DPP10: variants seen among roughly 807,000 people sequenced by gnomAD.
DPP10 encodes dipeptidyl peptidase like 10.
DPP10 carries 33 observed loss-of-function variants against 120.9 expected under a neutral mutation model. The observed-to-expected ratio is 0.27, with a 90% CI of 0.21 to 0.37. The LOEUF is 0.37. Ranked by LOEUF, DPP10 falls within the 10% of genes least tolerant of loss-of-function variation. The probability of loss-of-function intolerance (pLI) is 1.00; values close to 1 mark genes in which losing one functional copy is unlikely to be tolerated. For synonymous variants in DPP10, 337 were observed against 326.1 expected, an observed-to-expected ratio of 1.03 and a Z score of -0.36; for missense variants, 816 against 942.8, an observed-to-expected ratio of 0.87 and a Z score of 1.76.
Position 114,460,555 on chromosome 2 carries a change from C to T in DPP10, c.60+17717C>T, listed in dbSNP as rs575304552. ...TTTAAACAGGATGACACAAGGTGTA[C>T]ATTTAACTTATTTATGACACAAATT... On this transcript the variant is annotated intron_variant, in intron 1 of 25. Coordinates refer to ENST00000410059, the MANE Select transcript of DPP10 (RefSeq NM_020868.6). Among the ~76,000 whole-genome samples the T allele has an allele frequency of 3.3e-5, 5 of 152,156 alleles. No homozygotes were observed. The South Asian group carries it at 6.2e-4, about 19-fold the overall frequency.
chr2:115,836,378 T>G (rs1490094414), intron 22 of DPP10, 122 bp downstream of exon 22: 5 of 1,393,650 alleles, frequency 3.6e-6, no homozygotes, highest in Non-Finnish European at 5.0e-6. Flanking sequence ...TTTCAGCTGT[T>G]TATCTCCTCC....
At chr2:114,477,838 A>G (rs1340264393) in intron 1 of DPP10, among the ~76,000 whole-genome samples, 1 of 88,554 alleles carries the variant, frequency 1.1e-5, no homozygotes, top group Non-Finnish European at 3.1e-5. Context: ...TATGTACATA[A>G]ATATATGCAT....
At chr2:114,869,162 T>C (rs985252438) in intron 1 of DPP10, among the ~76,000 whole-genome samples, 3 of 152,104 alleles carry the variant, frequency 2.0e-5, no homozygotes, top group African/African-American at 7.2e-5. Flanking sequence ...AATTGGGAAT[T>C]AGTTTCAGCC....
intron 1 of DPP10, among the ~76,000 whole-genome samples, chr2:115,106,837 A>T (rs1330873956): frequency 5.9e-5 from 9 of 152,082 alleles, no homozygotes; most frequent in Non-Finnish European, 1.5e-5. Context: ...GCACTTTGGG[A>T]GGCCGAGGCG....
At chr2:114,968,005 T>C (rs1699154857) in intron 1 of DPP10, among the ~76,000 whole-genome samples, 1 of 151,956 alleles carries the variant, frequency 6.6e-6, no homozygotes, top group African/African-American at 2.4e-5. Flanking sequence ...AAATCTCTGC[T>C]CTTACTGCAT....
intron 1 of DPP10, among the ~76,000 whole-genome samples, chr2:115,168,655 C>A (rs543866541): frequency 1.3e-5 from 2 of 152,320 alleles, no homozygotes; most frequent in African/African-American, 4.8e-5. Flanking sequence ...CTTCTTTCTA[C>A]ACGGTAGACA....
rs145786014 is a variant in DPP10, at chr2:115,042,546, G to A, written c.61-266693G>A. 7.8e-4 allele frequency among the ~76,000 whole-genome samples: 119 copies of A among 152,308 alleles called. No individual in the cohort carries two copies. The East Asian group carries it at 0.019, about 24-fold the overall frequency. ...CTCCCAAATTGCTGGGATTACAGGC[G>A]TGAGCCACCACACTTGGCCTAATAT... On this transcript the variant is annotated intron_variant, in intron 1 of 25. Coordinates refer to ENST00000410059, the MANE Select transcript of DPP10 (RefSeq NM_020868.6).
chr2:115,021,886 A>G (rs549583694), intron 1 of DPP10, among the ~76,000 whole-genome samples: 3 of 152,278 alleles, frequency 2.0e-5, no homozygotes, highest in South Asian at 2.1e-4. Context: ...GATACACTAC[A>G]TAAATAGAAT....
At chr2:114,518,020 A>C (rs1290505500) in intron 1 of DPP10, among the ~76,000 whole-genome samples, 1 of 151,528 alleles carries the variant, frequency 6.6e-6, no homozygotes. Flanking sequence ...AGATTTTTCA[A>C]ATTTGGTTTT....
intron 5 of DPP10, among the ~76,000 whole-genome samples, chr2:115,557,887 T>C (rs1025933448): frequency 3.9e-5 from 6 of 152,330 alleles, no homozygotes; most frequent in Admixed American, 3.3e-4. Context: ...TATTTTGAAG[T>C]ATCATTCTAA....
chr2:114,839,595 T>C (rs750037350), intron 1 of DPP10, among the ~76,000 whole-genome samples: 9 of 152,234 alleles, frequency 5.9e-5, no homozygotes, highest in Non-Finnish European at 1.2e-4. Context: ...AAGGAAATTC[T>C]TTCACTTATC....
chr2:115,797,602 A>G (rs1684685880), intron 19 of DPP10, among the ~76,000 whole-genome samples: 1 of 152,004 alleles, frequency 6.6e-6, no homozygotes, highest in Non-Finnish European at 1.5e-5. Flanking sequence ...TGTCATTTAC[A>G]TGGATGGAGA....
At chr2:115,019,335 C>T (rs928978166) in intron 1 of DPP10, among the ~76,000 whole-genome samples, 1 of 151,994 alleles carries the variant, frequency 6.6e-6, no homozygotes, top group African/African-American at 2.4e-5. Context: ...AAAGAAATCA[C>T]AACTTCTGGA....
intron 1 of DPP10, among the ~76,000 whole-genome samples, chr2:115,179,672 T>C (rs1201347943): frequency 6.6e-6 from 1 of 152,168 alleles, no homozygotes; most frequent in East Asian, 1.9e-4. Context: ...AATTATAAGC[T>C]TATGGATTTT....
chr2:114,591,647 C>T (rs1691474667), intron 1 of DPP10, among the ~76,000 whole-genome samples: 1 of 150,868 alleles, frequency 6.6e-6, no homozygotes, highest in Non-Finnish European at 1.5e-5. Flanking sequence ...CTCTGCCTTC[C>T]TGGTTCAAGT....
intron 5 of DPP10, among the ~76,000 whole-genome samples, chr2:115,662,602 G>T (rs914362369): frequency 6.6e-6 from 1 of 152,054 alleles, no homozygotes; most frequent in African/African-American, 2.4e-5. Context: ...CCTCATACCT[G>T]TTAGCTTGGT....
At chr2:115,585,769 T>C (rs2082252341) in intron 5 of DPP10, among the ~76,000 whole-genome samples, 1 of 152,166 alleles carries the variant, frequency 6.6e-6, no homozygotes, top group South Asian at 2.1e-4. Context: ...CATAAGCAAA[T>C]ACATATGTGG....
chr2:115,522,578 T>G (rs907385142), intron 4 of DPP10, among the ~76,000 whole-genome samples: 4 of 152,338 alleles, frequency 2.6e-5, no homozygotes, highest in African/African-American at 9.6e-5. Flanking sequence ...ATTCATCTAG[T>G]TAATCACCTG....
At chr2:115,368,673 A>G (rs1182954694) in intron 3 of DPP10, among the ~76,000 whole-genome samples, 1 of 151,962 alleles carries the variant, frequency 6.6e-6, no homozygotes, top group East Asian at 1.9e-4. Flanking sequence ...TTTTTTCACG[A>G]TCAAGTGACT....
Sources: allele counts gnomAD v4.1 joint callset (sites outside exome capture counted in the v4.1 genomes callset), GRCh38; gene constraint gnomAD v4.1.1; transcripts MANE v1.5; gene names NCBI Gene and HGNC (gene_info 2026-07-23, HGNC 2026-07-21).